The following TRHDE variants were observed in gnomAD, a reference collection of about 807,000 sequenced individuals.
TRHDE encodes thyrotropin-releasing hormone-degrading ectoenzyme.
A neutral mutation model predicts 125.7 loss-of-function variants in TRHDE; 72 were observed. That is an observed-to-expected ratio of 0.57 (90% CI 0.47 to 0.70). The LOEUF is 0.70. TRHDE is among the 30% of genes least tolerant of loss of function. TRHDE has a pLI of 0.00. For missense variants in TRHDE, 1,110 were observed against 1,327.1 expected (o/e 0.84, Z 2.54); for synonymous variants, 509 against 509.1 (o/e 1.00, Z 0.00).
rs757845572 is a variant in TRHDE at position 72,657,002 on chromosome 12, C to A, written c.3060C>A (p.Leu1020=). Residue 1020 remains leucine (L), a synonymous_variant, in exon 18 of 19, where the codon CTC becomes CTA. Coordinates refer to ENST00000261180, the MANE Select transcript of TRHDE (RefSeq NM_013381.3). ...VTEFLNTEGE[L]KELKNFMKNY... ...AATTTCTTAATACTGAAGGTGAACT[C>A]AAAGAGGTAAATATTTTAAGATGAA... is the stretch of plus-strand genomic sequence containing the variant. 1.9e-6 allele frequency: 3 copies of A among 1,582,872 alleles called. No homozygotes were observed. The highest frequency in any genetic ancestry group is 2.6e-6 in the Non-Finnish European group (3 of 1,154,462).
intron 3 of TRHDE, among the ~76,000 whole-genome samples, chr12:72,402,937 G>A (rs1007422859): frequency 3.3e-5 from 5 of 152,102 alleles, no homozygotes; most frequent in South Asian, 2.1e-4. Flanking sequence ...ACTTCCTCAC[G>A]AATCTCCCTT....
chr12:72,363,664 G>T (rs374978571), intron 2 of TRHDE, among the ~76,000 whole-genome samples: 3 of 151,922 alleles, frequency 2.0e-5, no homozygotes, highest in African/African-American at 7.3e-5. Flanking sequence ...AGCCAATATC[G>T]TACTGAATGG....
At chr12:72,160,502 C>G (rs532836418) in intron 2 of TRHDE, among the ~76,000 whole-genome samples, 10 of 152,230 alleles carry the variant, frequency 6.6e-5, no homozygotes, top group Admixed American at 5.2e-4. Context: ...GCCTGCCAAA[C>G]ATAGCAAAAC....
chr12:72,095,901 C>T (rs1874904995), intron 1 of TRHDE, among the ~76,000 whole-genome samples: 1 of 152,036 alleles, frequency 6.6e-6, no homozygotes, highest in African/African-American at 2.4e-5. Context: ...AAGCAGATTG[C>T]CCTCTATAAT....
At chr12:72,543,365 T>C (rs1869250751) in intron 7 of TRHDE, among the ~76,000 whole-genome samples, 1 of 151,434 alleles carries the variant, frequency 6.6e-6, no homozygotes, top group Non-Finnish European at 1.5e-5. Context: ...TCAGAAAATA[T>C]TTTTACAGAT....
At chr12:72,649,035 C>A (rs1170291661) in intron 15 of TRHDE, among the ~76,000 whole-genome samples, 5 of 150,520 alleles carry the variant, frequency 3.3e-5, no homozygotes, top group African/African-American at 7.3e-5. Flanking sequence ...AAAAAAAAAA[C>A]AATTCTACAA....
At chr12:72,249,573 A>G (rs1028005235) in intron 2 of TRHDE, among the ~76,000 whole-genome samples, 2 of 152,218 alleles carry the variant, frequency 1.3e-5, no homozygotes, top group African/African-American at 4.8e-5. Flanking sequence ...GTGCAACATT[A>G]TTAGTCATCA....
chr12:72,452,463 T>C (rs535720141), intron 3 of TRHDE, among the ~76,000 whole-genome samples: 1 of 152,300 alleles, frequency 6.6e-6, no homozygotes, highest in South Asian at 2.1e-4. Context: ...TAGCTAGGGC[T>C]TCCAGGACTA....
chr12:72,370,318 T>A (rs1011809879), intron 2 of TRHDE, among the ~76,000 whole-genome samples: 2 of 152,294 alleles, frequency 1.3e-5, no homozygotes, highest in African/African-American at 4.8e-5. Context: ...TTATCTTTCA[T>A]CTGGACTTCT....
chr12:72,479,452 A>G (rs1298821912), intron 5 of TRHDE, among the ~76,000 whole-genome samples: 1 of 152,060 alleles, frequency 6.6e-6, no homozygotes, highest in African/African-American at 2.4e-5. Flanking sequence ...TTAGAAAAGG[A>G]AGATAAAACA....
intron 2 of TRHDE, among the ~76,000 whole-genome samples, chr12:72,238,515 T>C (rs927624160): frequency 2.7e-5 from 4 of 150,690 alleles, no homozygotes; most frequent in African/African-American, 4.9e-5. Context: ...CTACATTAGG[T>C]ATTTCTCCTA....
chr12:72,516,497 A>G (rs1485822509), intron 6 of TRHDE, among the ~76,000 whole-genome samples: 1 of 152,084 alleles, frequency 6.6e-6, no homozygotes, highest in African/African-American at 2.4e-5. Flanking sequence ...TTGATTTTGT[A>G]TCCTGAGACT....
rs1236813114 is a variant in TRHDE at position 72,655,593 on chromosome 12, TCAC to T, written c.2985-1330_2985-1328del. The stretch of plus-strand genomic sequence containing the variant: ...TCTCTGAGCACTGTGTATAATTTTA[TCAC>T]CACATTTAGCCACAATACGTGGAAA... On this transcript the variant is annotated intron_variant, in intron 17 of 18. Transcript: ENST00000261180. 4.6e-5 allele frequency among the ~76,000 whole-genome samples: 7 copies of T among 152,304 alleles called. No individual in the cohort carries two copies. In the East Asian group the frequency reaches 1.4e-3, roughly 29 times the overall value.
At chr12:72,426,469 A>G (rs1176881571) in intron 3 of TRHDE, among the ~76,000 whole-genome samples, 1 of 152,096 alleles carries the variant, frequency 6.6e-6, no homozygotes, top group Non-Finnish European at 1.5e-5. Flanking sequence ...ATTGTGCCAG[A>G]CTCTTTTATA....
At chr12:72,423,136 C>T (rs956000405) in intron 3 of TRHDE, among the ~76,000 whole-genome samples, 29 of 152,162 alleles carry the variant, frequency 1.9e-4, no homozygotes, top group East Asian at 5.8e-4. Flanking sequence ...TTTATACTTT[C>T]GTGATCACAA....
chr12:72,582,480 T>G, intron 12 of TRHDE: 1 of 985,428 alleles, frequency 1.0e-6, no homozygotes, highest in Non-Finnish European at 1.2e-6. Context: ...TTTTTGTGTC[T>G]TCTGGATGGC....
At chr12:72,355,335 T>G (rs1219265800) in intron 2 of TRHDE, among the ~76,000 whole-genome samples, 1 of 151,526 alleles carries the variant, frequency 6.6e-6, no homozygotes, top group Non-Finnish European at 1.5e-5. Flanking sequence ...AAAGAGTGCA[T>G]GCATAGCTGG....
chr12:72,119,955 G>A (rs1198694849), intron 2 of TRHDE, among the ~76,000 whole-genome samples: 4 of 151,976 alleles, frequency 2.6e-5, no homozygotes, highest in Admixed American at 2.6e-4. Context: ...ACAAATCATT[G>A]GGCCTTTTAT....
chr12:72,263,883 C>T (rs1331378807), intron 2 of TRHDE: 1 of 151,974 alleles, frequency 6.6e-6, no homozygotes, highest in Non-Finnish European at 1.5e-5. Context: ...TATTGCATAT[C>T]CGGGGAAAAT....
Sources: allele counts gnomAD v4.1 joint callset (sites outside exome capture counted in the v4.1 genomes callset), GRCh38; gene constraint gnomAD v4.1.1; transcripts MANE v1.5; gene names NCBI Gene and HGNC (gene_info 2026-07-23, HGNC 2026-07-21).